The following SDK1 variants were observed in gnomAD, a reference collection of about 807,000 sequenced individuals.
SDK1 encodes protein sidekick-1.
SDK1 carries 157 observed loss-of-function variants against 245.5 expected under a neutral mutation model. That is an observed-to-expected ratio of 0.64 (90% CI 0.56 to 0.73). The LOEUF (loss-of-function observed/expected upper bound fraction) is 0.73. Among genes scored for constraint, SDK1 ranks in the 30% least tolerant of loss-of-function variants. SDK1 has a pLI of 0.00. For synonymous variants in SDK1, 1,647 were observed against 1,278.5 expected, an observed-to-expected ratio of 1.29 and a Z score of -6.15; for missense variants, 3,583 against 3,002.3, an observed-to-expected ratio of 1.19 and a Z score of -4.52.
rs984651549 is a variant in SDK1 at position 3,618,940 on chromosome 7, A to G, written c.299-140A>G. 13 of 662,980 alleles carry G rather than the reference A, an allele frequency of 2.0e-5. No homozygotes were observed. In the African/African-American group the frequency reaches 2.3e-4, roughly 12 times the overall value. 41.1% of individuals were successfully genotyped at this position (662,980 alleles called of 1,614,324 possible). A position where few individuals can be genotyped will look rare whatever the true frequency, so the allele number is the denominator to read the frequency against. On this transcript the variant is annotated intron_variant, in intron 1 of 44. Transcript: ENST00000404826. ...TGTTTCCAGGGTTTGGTAAAGGATTATTTACTTCTTAATTGGGCCAAACAG... is the reference window on the plus strand; with the variant it reads ...TGTTTCCAGGGTTTGGTAAAGGATTGTTTACTTCTTAATTGGGCCAAACAG...
intron 5 of SDK1, among the ~76,000 whole-genome samples, chr7:3,895,073 A>T (rs1015769484): frequency 1.3e-5 from 2 of 152,176 alleles, no homozygotes; most frequent in Non-Finnish European, 2.9e-5. Context: ...CTTTTACTCA[A>T]TATGGTAAAA....
intron 4 of SDK1, among the ~76,000 whole-genome samples, chr7:3,787,436 G>T (rs1490626548): frequency 6.6e-6 from 1 of 152,126 alleles, no homozygotes; most frequent in Admixed American, 6.5e-5. Flanking sequence ...TGCACACGCT[G>T]TGTTCCTCCC....
At chr7:3,668,344 C>G (rs1317806403) in intron 4 of SDK1, among the ~76,000 whole-genome samples, 1 of 152,160 alleles carries the variant, frequency 6.6e-6, no homozygotes, top group African/African-American at 2.4e-5. Flanking sequence ...TGACTGTTAA[C>G]TGAGAGTTCA....
At chr7:3,575,483 T>C (rs1254977662) in intron 1 of SDK1, among the ~76,000 whole-genome samples, 1 of 152,028 alleles carries the variant, frequency 6.6e-6, no homozygotes, top group Non-Finnish European at 1.5e-5. Flanking sequence ...AATTTGATGT[T>C]TTTATTTAAG....
chr7:3,973,187 G>T (rs1324602898), intron 12 of SDK1, among the ~76,000 whole-genome samples: 1 of 152,196 alleles, frequency 6.6e-6, no homozygotes, highest in African/African-American at 2.4e-5. Flanking sequence ...TAAGTGACCA[G>T]CCAGCCAGAT....
rs1392161213 is a variant in SDK1, at chr7:3,398,767, AG to A, written c.298+96884del. ...GGTCCCCTAAGACTGAGCCCCCAGTAGTTTTTTTTTTTTTTTTTCCTCAAGC... is the reference window on the plus strand; with the variant it reads ...GGTCCCCTAAGACTGAGCCCCCAGTATTTTTTTTTTTTTTTTTCCTCAAGC... On this transcript the variant is annotated intron_variant, in intron 1 of 44. Transcript: ENST00000404826. Among the ~76,000 whole-genome samples, 717 of 122,694 alleles carry A rather than the reference AG, an allele frequency of 5.8e-3. 3 individuals carry two copies. Among genetic ancestry groups the A allele is most frequent in the Non-Finnish European group, 9.3e-3 (545 of 58,394 alleles). 80.5% of individuals were successfully genotyped at this position (122,694 alleles called of 152,430 possible).
At chr7:4,126,950 C>T (rs1784427974) in intron 25 of SDK1, among the ~76,000 whole-genome samples, 1 of 152,174 alleles carries the variant, frequency 6.6e-6, no homozygotes, top group Non-Finnish European at 1.5e-5. Flanking sequence ...AACCTACCCT[C>T]CCTTCCCCTT....
intron 2 of SDK1, among the ~76,000 whole-genome samples, chr7:3,636,758 T>C (rs1782467619): frequency 6.6e-6 from 1 of 152,186 alleles, no homozygotes; most frequent in African/African-American, 2.4e-5. Flanking sequence ...TGTGTGTAAT[T>C]TTGTAAGAAA....
intron 5 of SDK1, among the ~76,000 whole-genome samples, chr7:3,850,556 A>G (rs1365257711): frequency 1.3e-5 from 2 of 152,168 alleles, no homozygotes; most frequent in Non-Finnish European, 2.9e-5. Flanking sequence ...ACACATGCAC[A>G]CGTATGTTTA....
At chr7:3,803,783 T>C (rs1399060244) in intron 4 of SDK1, among the ~76,000 whole-genome samples, 4 of 146,008 alleles carry the variant, frequency 2.7e-5, no homozygotes, top group Non-Finnish European at 6.0e-5. Context: ...GAGTCTGGCC[T>C]GTTGCCCAGG....
chr7:3,800,370 C>T (rs61637973), intron 4 of SDK1, among the ~76,000 whole-genome samples: 23,818 of 148,526 alleles, frequency 0.16, 2,101 homozygotes, highest in Middle Eastern at 0.3. Context: ...TACTTACTTA[C>T]TTATTTATTT....
chr7:4,115,857 A>G (rs1783671936), intron 25 of SDK1, among the ~76,000 whole-genome samples: 1 of 152,188 alleles, frequency 6.6e-6, no homozygotes, highest in African/African-American at 2.4e-5. Flanking sequence ...GCCTTAGGAG[A>G]CACAGTTGGA....
intron 17 of SDK1, among the ~76,000 whole-genome samples, chr7:4,034,771 A>C (rs1788094519): frequency 6.6e-6 from 1 of 152,190 alleles, no homozygotes; most frequent in Non-Finnish European, 1.5e-5. Context: ...GAATCTACCA[A>C]AATGCCCATC....
At chr7:4,229,676 C>T (rs1395496756) in intron 40 of SDK1, among the ~76,000 whole-genome samples, 1 of 152,054 alleles carries the variant, frequency 6.6e-6, no homozygotes. Context: ...CTTCTCAGAA[C>T]AGTCTGAAGA....
intron 25 of SDK1, among the ~76,000 whole-genome samples, chr7:4,122,643 G>C (rs909747863): frequency 6.6e-6 from 1 of 152,134 alleles, no homozygotes; most frequent in African/African-American, 2.4e-5. Context: ...CTTAAAAACC[G>C]AGAGAGACCA....
At chr7:4,171,591 C>T (rs1032806792) in intron 32 of SDK1, among the ~76,000 whole-genome samples, 1 of 152,190 alleles carries the variant, frequency 6.6e-6, no homozygotes, top group Admixed American at 6.5e-5. Flanking sequence ...GTGAAGGCGG[C>T]CAGCCAGGGC....
intron 32 of SDK1, among the ~76,000 whole-genome samples, chr7:4,163,678 G>A (rs1781313231): frequency 6.6e-6 from 1 of 152,176 alleles, no homozygotes; most frequent in Non-Finnish European, 1.5e-5. Flanking sequence ...GACGTGCTGA[G>A]TGAGCAGCGC....
chr7:3,437,691 G>A (rs1780069648), intron 1 of SDK1, among the ~76,000 whole-genome samples: 1 of 152,156 alleles, frequency 6.6e-6, no homozygotes, highest in Non-Finnish European at 1.5e-5. Context: ...TCAGGTTTCA[G>A]TGAGCTGTGA....
At chr7:4,199,843 C>T (rs1056633238) in intron 35 of SDK1, among the ~76,000 whole-genome samples, 2 of 152,212 alleles carry the variant, frequency 1.3e-5, no homozygotes, top group Non-Finnish European at 2.9e-5. Flanking sequence ...GGCACCTGTA[C>T]TCAGCGAACC....
Sources: gnomAD v4.1 joint callset for allele counts (sites outside exome capture counted in the v4.1 genomes callset) on GRCh38, gnomAD v4.1.1 for gene constraint, MANE v1.5 for transcripts, NCBI Gene and HGNC (gene_info 2026-07-23, HGNC 2026-07-21) for gene names.